The following CHD9NB variants were observed in gnomAD, a reference collection of about 807,000 sequenced individuals.
The protein encoded by CHD9NB is CHD9 neighbor.
At chr16:53,039,913 G>A in the CHD9NB span, among the ~76,000 whole-genome samples, 32 of 151,884 alleles carry the variant, frequency 2.1e-4, no homozygotes, top group Non-Finnish European at 4.3e-4. Context: ...TTCCCCATGA[G>A]GAAAAAGATA....
At chr16:53,038,491 C>T in the CHD9NB span, among the ~76,000 whole-genome samples, 1 of 35,632 alleles carries the variant, frequency 2.8e-5, no homozygotes, top group African/African-American at 1.2e-4. Flanking sequence ...GCTGGAATTA[C>T]AGGCACGTGC....
chr16:53,039,820 ACAGGGGCTATG>A, the CHD9NB span, among the ~76,000 whole-genome samples: 1 of 152,058 alleles, frequency 6.6e-6, no homozygotes, highest in Non-Finnish European at 1.5e-5. Flanking sequence ...TATCACTTTG[ACAGGGGCTATG>A]CAGTGCTCAG....
chr16:53,040,218 C>T, the CHD9NB span, among the ~76,000 whole-genome samples: 1 of 151,946 alleles, frequency 6.6e-6, no homozygotes, highest in African/African-American at 2.4e-5. Context: ...TACAGGCACG[C>T]ACCACCACAC....
At chr16:53,042,359 A>C in the CHD9NB span, among the ~76,000 whole-genome samples, 1 of 122,042 alleles carries the variant, frequency 8.2e-6, no homozygotes, top group Non-Finnish European at 1.7e-5. Context: ...CCGCTCTTTC[A>C]TCTCCCTACC....
At chr16:53,048,079 G>A in the CHD9NB span, among the ~76,000 whole-genome samples, 406 of 151,090 alleles carry the variant, frequency 2.7e-3, 1 homozygote, top group African/African-American at 9.5e-3. Flanking sequence ...AAGGAAGGAA[G>A]GAAAGAAAAA....
the CHD9NB span, among the ~76,000 whole-genome samples, chr16:53,042,223 G>A: frequency 4.5e-5 from 6 of 132,944 alleles, no homozygotes; most frequent in Admixed American, 1.6e-4. Context: ...TTTCCTTCTC[G>A]CCCACCCTCT....
chr16:53,037,008 T>A, the CHD9NB span, among the ~76,000 whole-genome samples: 114 of 152,234 alleles, frequency 7.5e-4, no homozygotes, highest in African/African-American at 2.6e-3. Context: ...CGATCTCAGC[T>A]CACTGCAACC....
At chr16:53,040,261 A>G in the CHD9NB span, among the ~76,000 whole-genome samples, 1 of 151,816 alleles carries the variant, frequency 6.6e-6, no homozygotes, top group Non-Finnish European at 1.5e-5. Flanking sequence ...TTTTTAGTAG[A>G]GACGGGGTTT....
At chr16:53,043,130 A>G in the CHD9NB span, 1 of 152,256 alleles carries the variant, frequency 6.6e-6, no homozygotes, top group Non-Finnish European at 1.5e-5. Flanking sequence ...TTTCAAATGA[A>G]AACGCTTTTG....
the CHD9NB span, among the ~76,000 whole-genome samples, chr16:53,041,326 G>A: frequency 3.3e-5 from 5 of 152,222 alleles, no homozygotes; most frequent in Admixed American, 3.3e-4. Flanking sequence ...GGAGACAGAC[G>A]AGTGATGCTA....
the CHD9NB span, among the ~76,000 whole-genome samples, chr16:53,050,261 C>T: frequency 6.6e-6 from 1 of 152,186 alleles, no homozygotes; most frequent in Non-Finnish European, 1.5e-5. Flanking sequence ...AATCCCAGCA[C>T]TTTGGGAAGC....
chr16:53,051,233 T>G, the CHD9NB span, among the ~76,000 whole-genome samples: 1 of 152,096 alleles, frequency 6.6e-6, no homozygotes, highest in Non-Finnish European at 1.5e-5. Context: ...AGATAAATAT[T>G]CCCTTTCTTA....
chr16:53,051,989 G>C, the CHD9NB span, among the ~76,000 whole-genome samples: 1 of 151,052 alleles, frequency 6.6e-6, no homozygotes, highest in Non-Finnish European at 1.5e-5. Context: ...CTTAAACATC[G>C]CAAGTCTCAG....
the CHD9NB span, among the ~76,000 whole-genome samples, chr16:53,046,491 C>A: frequency 8.2e-5 from 12 of 146,838 alleles, no homozygotes; most frequent in African/African-American, 3.0e-4. Context: ...GGCCTGGCAA[C>A]ATGGTAAAAC....
At chr16:53,051,768 A>AATATATATAT in the CHD9NB span, among the ~76,000 whole-genome samples, 878 of 104,132 alleles carry the variant, frequency 8.4e-3, 28 homozygotes, top group African/African-American at 0.013. Context: ...TAAAAGTATA[A>AATATATATAT]ATATATATAT....
At chr16:53,037,511 G>A in the CHD9NB span, among the ~76,000 whole-genome samples, 1 of 152,176 alleles carries the variant, frequency 6.6e-6, no homozygotes, top group Non-Finnish European at 1.5e-5. Flanking sequence ...GGTTTTTAGG[G>A]CTTCAATGAG....
At chr16:53,036,220 T>C in the CHD9NB span, among the ~76,000 whole-genome samples, 1 of 152,206 alleles carries the variant, frequency 6.6e-6, no homozygotes, top group South Asian at 2.1e-4. Context: ...CCTTCATAAA[T>C]GTGCTGTCTC....
At chr16:53,038,052 C>A in the CHD9NB span, among the ~76,000 whole-genome samples, 1 of 152,154 alleles carries the variant, frequency 6.6e-6, no homozygotes, top group African/African-American at 2.4e-5. Context: ...GCATGAGAAC[C>A]AGAGAGGCCA....
chr16:53,046,725 G>A, the CHD9NB span, among the ~76,000 whole-genome samples: 124 of 152,180 alleles, frequency 8.1e-4, no homozygotes, highest in Non-Finnish European at 2.4e-4. Context: ...TGTCTTGCCT[G>A]TGACCACCTC....
Sources: gnomAD v4.1 joint callset for allele counts (sites outside exome capture counted in the v4.1 genomes callset) on GRCh38, gnomAD v4.1.1 for gene constraint, MANE v1.5 for transcripts, NCBI Gene and HGNC (gene_info 2026-07-23, HGNC 2026-07-21) for gene names.